The following KHK variants were observed in gnomAD, a reference collection of about 807,000 sequenced individuals.
The protein encoded by KHK is ketohexokinase.
KHK carries 37 observed loss-of-function variants against 36.0 expected under a neutral mutation model. The ratio of observed to expected loss-of-function variants is 1.03; its 90% CI spans 0.79 to 1.35. The LOEUF (loss-of-function observed/expected upper bound fraction) is 1.35. KHK is among the 40% of genes most tolerant of loss of function. KHK has a pLI of 0.00. For synonymous variants in KHK, 161 were observed against 162.8 expected, an observed-to-expected ratio of 0.99 and a Z score of 0.08; for missense variants, 395 against 391.9, an observed-to-expected ratio of 1.01 and a Z score of -0.07.
At position 27,087,235 on chromosome 2, in the gene KHK, G is replaced by T; in HGVS notation, c.-25G>T. On this transcript the variant is annotated 5_prime_UTR_variant, in exon 1 of 8. Transcript: ENST00000260598. ...CGGGAGGAACCCCGTCAGCCGGGCG[G>T]GCAGGAAGCTCTGGGAGTAGCCTCA... 1.3e-6 allele frequency: 2 copies of T among 1,560,614 alleles called. No homozygotes were observed. The highest frequency in any genetic ancestry group is 1.7e-6 in the Non-Finnish European group (2 of 1,149,752).
rs768359285 is a variant in KHK at position 27,100,650 on chromosome 2, C to T, written c.*900C>T. 2.7e-5 allele frequency: 29 copies of T among 1,062,994 alleles called. No individual in the cohort carries two copies. Among genetic ancestry groups the T allele is most frequent in the Middle Eastern group, 2.5e-4 (1 of 3,988 alleles). The allele number at this position is 1,062,994 out of a possible 1,614,324, so 65.8% of individuals were successfully genotyped here. ...TATCACCTTAGGGTACAGCACTTAA[C>T]GCAATCTGCCTCAATTTCTTCATCT... On this transcript the variant is annotated 3_prime_UTR_variant, in exon 8 of 8. Coordinates refer to ENST00000260598, the MANE Select transcript of KHK (RefSeq NM_006488.3).
intron 5 of KHK, among the ~76,000 whole-genome samples, chr2:27,098,617 TTTTG>T (rs1333799949): frequency 2.6e-5 from 4 of 152,072 alleles, no homozygotes; most frequent in African/African-American, 9.7e-5. Context: ...GGCTTCGGTG[TTTTG>T]TTTTTTGTTT....
Position 27,100,279 on chromosome 2 carries a change from G to T in KHK, c.*529G>T. 2.2e-6 allele frequency: 1 copy of T among 446,072 alleles called. No individual in the cohort carries two copies. Among genetic ancestry groups the T allele is most frequent in the Non-Finnish European group, 4.0e-6 (1 of 249,118 alleles). The allele number at this position is 446,072 out of a possible 1,614,324, so 27.6% of individuals were successfully genotyped here. ...GGAGTCCACACCGCTGAGCTGAACT[G>T]ACAGGCCAGTGGGGGGCAGGGGTGC... is the stretch of plus-strand genomic sequence containing the variant. On this transcript the variant is annotated 3_prime_UTR_variant, in exon 8 of 8. Coordinates refer to ENST00000260598, the MANE Select transcript of KHK (RefSeq NM_006488.3).
chr2:27,100,574 G>A lies in KHK; in HGVS notation c.*824G>A. ...ATGTAAAGAGCATATAATGTAAAGG[G>A]CTTTAGAGTGAGACAGACCTGGATT... On this transcript the variant is annotated 3_prime_UTR_variant, in exon 8 of 8. Coordinates refer to ENST00000260598, the MANE Select transcript of KHK (RefSeq NM_006488.3). 1 of 1,280,628 alleles carries A rather than the reference G, an allele frequency of 7.8e-7. No homozygotes were observed. 79.3% of individuals were successfully genotyped at this position (1,280,628 alleles called of 1,614,324 possible). A position where few individuals can be genotyped will look rare whatever the true frequency, so the allele number is the denominator to read the frequency against.
chr2:27,095,564 A>G (rs781155558), intron 3 of KHK, among the ~76,000 whole-genome samples: 7 of 152,276 alleles, frequency 4.6e-5, no homozygotes, highest in Admixed American at 2.0e-4. Context: ...CCCTCCCTTC[A>G]GGGTCCCAGG....
At chr2:27,099,044 G>C in intron 5 of KHK, 152 bp from the exon 6 acceptor site, 1 of 781,384 alleles carries the variant, frequency 1.3e-6, no homozygotes, top group East Asian at 2.5e-5. Context: ...AAAGAAAAAA[G>C]AAAACCACGT....
At chr2:27,099,026 C>CA (rs1021705467) in intron 5 of KHK, 170 bp from the exon 6 acceptor site, 13 of 702,014 alleles carry the variant, frequency 1.9e-5, no homozygotes, top group Middle Eastern at 7.4e-4. Context: ...ACCATCTTCA[C>CA]AAAAAATAAA....
rs1669700375 is a variant in KHK, at chr2:27,087,078, G to A, written c.-182G>A. On this transcript the variant is annotated 5_prime_UTR_variant, in exon 1 of 8. Transcript: ENST00000260598. The stretch of plus-strand genomic sequence containing the variant: ...TCGGGTCTTCGGGTGTCGCGAGGAA[G>A]GGCCCTGCTCCTTTCGTTCCCTGCA... 1.8e-6 allele frequency: 1 copy of A among 545,176 alleles called. No individual in the cohort carries two copies. Among genetic ancestry groups the A allele is most frequent in the South Asian group, 2.5e-5 (1 of 40,652 alleles). 33.8% of individuals were successfully genotyped at this position (545,176 alleles called of 1,614,324 possible).
At chr2:27,090,380 T>TC (rs1284144317) in intron 1 of KHK, among the ~76,000 whole-genome samples, 1 of 152,176 alleles carries the variant, frequency 6.6e-6, no homozygotes, top group East Asian at 1.9e-4. Context: ...TCCTTTTTTT[T>TC]CATATCTTTT....
At chr2:27,095,707 C>T (rs1187121776) in intron 3 of KHK, among the ~76,000 whole-genome samples, 2 of 152,232 alleles carry the variant, frequency 1.3e-5, no homozygotes, top group Non-Finnish European at 2.9e-5. Flanking sequence ...GGGCCCAAGC[C>T]CAGCAGCCCT....
chr2:27,095,463 T>C (rs1670278405), intron 3 of KHK, among the ~76,000 whole-genome samples: 1 of 152,122 alleles, frequency 6.6e-6, no homozygotes, highest in African/African-American at 2.4e-5. Context: ...CCACACACCA[T>C]TCACAGCCAT....
In KHK at chr2:27,092,324, C is replaced by A. The variant is rs375619334; in HGVS notation, c.93-8C>A. 2.5e-6 allele frequency: 4 copies of A among 1,607,998 alleles called. No homozygotes were observed. The highest frequency in any genetic ancestry group is 3.4e-6 in the Non-Finnish European group (4 of 1,176,190). Reference sequence around the variant, plus strand: ...TGGGGCTGCAGGGACCCTCCCTGTGCTTTGCAGGTGTTTGTCCCAGAGATG... The same window carrying A: ...TGGGGCTGCAGGGACCCTCCCTGTGATTTGCAGGTGTTTGTCCCAGAGATG... On this transcript the variant is annotated splice_polypyrimidine_tract_variant and splice_region_variant and intron_variant, in intron 1 of 7. Transcript: ENST00000260598.
At position 27,094,908 on chromosome 2, in the gene KHK, C is replaced by G; in HGVS notation, c.318C>G (p.Gly106=). Residue 106 remains glycine, a synonymous_variant, in exon 3 of 8, where the codon GGC becomes GGG. Transcript: ENST00000260598. ...SSCCIINNSN[G]NRTIVLHDTS... ...GCTGCATCATCAACAACTCCAATGG[C>G]AACCGTACCATTGTGCTCCATGACA... 1 of 1,614,000 alleles carries G rather than the reference C, an allele frequency of 6.2e-7. No individual in the cohort carries two copies.
chr2:27,100,544 TTATAATGTAAAGAGCA>T lies in KHK; in HGVS notation c.*807_*822del. The T allele has an allele frequency of 1.5e-6, 2 of 1,290,544 alleles. No homozygotes were observed. The highest frequency in any genetic ancestry group is 1.5e-5 in the African/African-American group (1 of 65,944). 79.9% of individuals were successfully genotyped at this position (1,290,544 alleles called of 1,614,324 possible). A position where few individuals can be genotyped will look rare whatever the true frequency, so the allele number is the denominator to read the frequency against. ...ACTCCAATATAGGGTGGGTAAGGCC[TTATAATGTAAAGAGCA>T]TATAATGTAAAGGGCTTTAGAGTGA... On this transcript the variant is annotated 3_prime_UTR_variant, in exon 8 of 8. Coordinates refer to ENST00000260598, the MANE Select transcript of KHK (RefSeq NM_006488.3).
chr2:27,098,198 T>C (rs907606495), intron 5 of KHK, among the ~76,000 whole-genome samples: 3 of 152,078 alleles, frequency 2.0e-5, no homozygotes, highest in Non-Finnish European at 2.9e-5. Context: ...ACCTTGTGAC[T>C]TGTCCTCAAC....
rs180785521 is a variant in KHK, at chr2:27,093,239, C to T, written c.209+791C>T. 1.1e-4 allele frequency among the ~76,000 whole-genome samples: 16 copies of T among 152,296 alleles called. No individual in the cohort carries two copies. The East Asian group carries it at 2.5e-3, about 24-fold the overall frequency. On this transcript the variant is annotated intron_variant, in intron 2 of 7. Transcript: ENST00000260598. ...AACCACCTGAGCTACAGCCAAACTCCCTGCCTTGATGAACTGGCAGGAAGA... is the reference window on the plus strand; with the variant it reads ...AACCACCTGAGCTACAGCCAAACTCTCTGCCTTGATGAACTGGCAGGAAGA...
chr2:27,094,921 G>A lies in KHK; in HGVS notation c.331G>A (p.Val111Met). ...INNSNGNRTIVLHDTSLPDVS... is the reference protein window; with the variant it reads ...INNSNGNRTIMLHDTSLPDVS... ...CAACTCCAATGGCAACCGTACCATT[G>A]TGCTCCATGACACGTAAGGCCCCCG... Residue 111 changes from valine to methionine, a missense_variant, in exon 3 of 8, where the codon GTG (valine) becomes ATG (methionine). Coordinates refer to ENST00000260598, the MANE Select transcript of KHK (RefSeq NM_006488.3). The A allele has an allele frequency of 2.5e-6, 4 of 1,613,962 alleles. No homozygotes were observed. The highest frequency in any genetic ancestry group is 3.4e-6 in the Non-Finnish European group (4 of 1,180,042).
chr2:27,091,154 C>T (rs188244400), intron 1 of KHK, among the ~76,000 whole-genome samples: 8 of 148,910 alleles, frequency 5.4e-5, no homozygotes, highest in African/African-American at 2.0e-4. Flanking sequence ...TATCATGGCT[C>T]ACCCCAGCCT....
At position 27,092,396 on chromosome 2, in the gene KHK, C is replaced by T. The variant is rs200431044; in HGVS notation, c.157C>T (p.Leu53Phe). Residue 53 changes from leucine to phenylalanine, a missense_variant, in exon 2 of 8, where the codon CTC becomes TTC. Leu to Phe is a conservative substitution (Grantham distance 22). Coordinates refer to ENST00000260598, the MANE Select transcript of KHK (RefSeq NM_006488.3). ...CAACTCCTGCACCGTTCTCTCCCTG[C>T]TCGGAGCCCCCTGTGCCTTCATGGG... is the stretch of plus-strand genomic sequence containing the variant. ...ASNSCTVLSL[L>F]GAPCAFMGSM... 6.3e-5 allele frequency: 102 copies of T among 1,613,576 alleles called. No homozygotes were observed. The highest frequency in any genetic ancestry group is 7.7e-5 in the Non-Finnish European group (91 of 1,180,038).
Sources: allele counts gnomAD v4.1 joint callset (sites outside exome capture counted in the v4.1 genomes callset), GRCh38; gene constraint gnomAD v4.1.1; transcripts MANE v1.5; gene names NCBI Gene and HGNC (gene_info 2026-07-23, HGNC 2026-07-21).